The following TRPC1 variants were observed in gnomAD, a reference collection of about 807,000 sequenced individuals.
The protein encoded by TRPC1 is short transient receptor potential channel 1.
TRPC1 carries 42 observed loss-of-function variants against 88.2 expected under a neutral mutation model. The observed-to-expected ratio is 0.48, with a 90% CI of 0.37 to 0.62. TRPC1 has a LOEUF of 0.62. TRPC1 is among the 20% of genes least tolerant of loss of function. The pLI is 0.00. For missense variants in TRPC1, 699 were observed against 957.3 expected, an observed-to-expected ratio of 0.73 and a Z score of 3.56; for synonymous variants, 288 against 331.8, an observed-to-expected ratio of 0.87 and a Z score of 1.43.
intron 9 of TRPC1, among the ~76,000 whole-genome samples, chr3:142,798,881 G>A (rs1936527492): frequency 6.6e-6 from 1 of 152,138 alleles, no homozygotes; most frequent in African/African-American, 2.4e-5. Flanking sequence ...TGAGCCTAAT[G>A]ATAGCAACCT....
At chr3:142,795,712 G>A (rs148917688) in intron 9 of TRPC1, among the ~76,000 whole-genome samples, 32 of 152,162 alleles carry the variant, frequency 2.1e-4, no homozygotes, top group African/African-American at 6.5e-4. Flanking sequence ...TACAAGGAAC[G>A]TTAATAGAAG....
intron 9 of TRPC1, among the ~76,000 whole-genome samples, chr3:142,798,862 G>A (rs1217016481): frequency 6.6e-6 from 1 of 152,168 alleles, no homozygotes; most frequent in Non-Finnish European, 1.5e-5. Flanking sequence ...AGCAACTTGT[G>A]TAATTTAATG....
chr3:142,786,722 C>T (rs887353356), intron 7 of TRPC1, among the ~76,000 whole-genome samples: 2 of 152,110 alleles, frequency 1.3e-5, no homozygotes, highest in African/African-American at 2.4e-5. Flanking sequence ...TGAAGAGAAT[C>T]GCTAAGGAGC....
At chr3:142,753,872 A>G (rs1156435271) in intron 4 of TRPC1, among the ~76,000 whole-genome samples, 1 of 152,118 alleles carries the variant, frequency 6.6e-6, no homozygotes. Context: ...AGGCGGGTGA[A>G]TCACTTGAGT....
chr3:142,750,858 G>C (rs893530114), intron 4 of TRPC1, among the ~76,000 whole-genome samples: 10 of 152,092 alleles, frequency 6.6e-5, no homozygotes, highest in African/African-American at 2.4e-4. Context: ...AGTGGGAGTT[G>C]AACAATGAGA....
chr3:142,791,134 C>T lies in TRPC1; in HGVS notation c.1413C>T (p.Ala471=), dbSNP rs1400797706. The change falls in exon 8 of 13, where the codon GCC becomes GCT. Residue 471 remains alanine (A), a synonymous_variant. Transcript: ENST00000476941. ...VMNSLYLATF[A]LKVVAHNKFH... The stretch of plus-strand genomic sequence containing the variant: ...ATTCTCTTTATTTGGCAACCTTTGC[C>T]CTCAAAGTGGTTGCTCACAACAAGG... 6.2e-7 allele frequency: 1 copy of T among 1,604,748 alleles called. No homozygotes were observed. The highest frequency in any genetic ancestry group is 1.1e-5 in the South Asian group (1 of 88,728).
chr3:142,748,344 T>C lies in TRPC1; in HGVS notation c.516T>C (p.Tyr172=). Residue 172 remains tyrosine, a synonymous_variant, in exon 4 of 13, where the codon TAT becomes TAC. Coordinates refer to ENST00000476941, the MANE Select transcript of TRPC1 (RefSeq NM_001251845.2). ...TTTTAGCTGCTCATCGTAACAACTATGAAATTCTTACAATGCTCTTAAAAC... is the reference window on the plus strand; with the variant it reads ...TTTTAGCTGCTCATCGTAACAACTACGAAATTCTTACAATGCTCTTAAAAC... ...PVILAAHRNN[Y]EILTMLLKQD... 1.2e-6 allele frequency: 2 copies of C among 1,613,942 alleles called. No homozygotes were observed. Among genetic ancestry groups the C allele is most frequent in the Non-Finnish European group, 1.7e-6 (2 of 1,179,806 alleles).
chr3:142,777,568 G>C (rs1935822008), intron 4 of TRPC1, 64 bp from the exon 5 acceptor site: 6 of 1,103,222 alleles, frequency 5.4e-6, no homozygotes, highest in Non-Finnish European at 7.3e-6. Context: ...GAAAATTATA[G>C]ATTAAAATAC....
In TRPC1 at chr3:142,781,027, G is replaced by A; in HGVS notation, c.958G>A (p.Glu320Lys). ...ACTTGCTATCAAATATAACCAGAAA[G>A]AGGTATGAGGCTTTCTGTAATATAT... is the stretch of plus-strand genomic sequence containing the variant. ...LKLAIKYNQK[E>K]FVSQSNCQQF... Residue 320 changes from glutamate to lysine, a missense_variant and splice_region_variant, in exon 6 of 13, where the codon GAG becomes AAG. Transcript: ENST00000476941. The A allele has an allele frequency of 6.2e-7, 1 of 1,606,860 alleles. No homozygotes were observed. Among genetic ancestry groups the A allele is most frequent in the South Asian group, 1.1e-5 (1 of 89,552 alleles).
rs998561294 is a variant in TRPC1, at chr3:142,724,951, A to C, written c.172+220A>C. ...TGGGGCTGCGCCCTCGGAGCGCTGC[A>C]CCGTCGGGGGTGGCTCTGGCCTTGG... is the stretch of plus-strand genomic sequence containing the variant. On this transcript the variant is annotated intron_variant, in intron 1 of 12. Transcript: ENST00000476941. This position sits in a 1 kb window ranked among gnomAD's most constrained non-coding sequence, Gnocchi z 5.6. Among the ~76,000 whole-genome samples the C allele has an allele frequency of 2.6e-5, 4 of 152,132 alleles. No individual in the cohort carries two copies. The highest frequency in any genetic ancestry group is 9.7e-5 in the African/African-American group (4 of 41,432).
At chr3:142,796,420 A>G (rs1198080688) in intron 9 of TRPC1, among the ~76,000 whole-genome samples, 2 of 152,082 alleles carry the variant, frequency 1.3e-5, no homozygotes, top group Non-Finnish European at 1.5e-5. Context: ...GATAATTTAG[A>G]CAGAAAGAAC....
chr3:142,788,107 T>G (rs574706405), intron 7 of TRPC1, among the ~76,000 whole-genome samples: 34 of 152,304 alleles, frequency 2.2e-4, no homozygotes, highest in African/African-American at 8.2e-4. Flanking sequence ...TTTGACTTTA[T>G]ATTAAGAACA....
chr3:142,737,336 ATG>A lies in TRPC1; in HGVS notation c.327+805_327+806del, dbSNP rs67169946. On this transcript the variant is annotated intron_variant, in intron 2 of 12. Transcript: ENST00000476941. ...GTACATTGCTATTTTATATATATAT[ATG>A]TATGTATGTATGTATGTATGTATAA... is the stretch of plus-strand genomic sequence containing the variant. 4.0e-3 allele frequency among the ~76,000 whole-genome samples: 504 copies of A among 125,298 alleles called. 9 individuals are homozygous for A. The highest frequency in any genetic ancestry group is 0.013 in the African/African-American group (471 of 36,080). 82.2% of individuals were successfully genotyped at this position (125,298 alleles called of 152,430 possible).
At chr3:142,736,328 C>T (rs1934136676) in intron 1 of TRPC1, 51 bp from the exon 2 acceptor site, 4 of 1,394,342 alleles carry the variant, frequency 2.9e-6, no homozygotes, top group Middle Eastern at 3.8e-4. Flanking sequence ...TACAGTCATC[C>T]TTACTTGATA....
chr3:142,731,286 A>G (rs1203722752), intron 1 of TRPC1, among the ~76,000 whole-genome samples: 1 of 151,578 alleles, frequency 6.6e-6, no homozygotes, highest in Admixed American at 6.6e-5. Flanking sequence ...ACTAAGTCCT[A>G]TAGGGCTTTG....
intron 4 of TRPC1, among the ~76,000 whole-genome samples, chr3:142,759,023 G>A (rs533551550): frequency 2.8e-4 from 42 of 152,166 alleles, no homozygotes; most frequent in African/African-American, 9.2e-4. Flanking sequence ...TTTTATGGCT[G>A]CATAGTATTC....
chr3:142,780,505 G>C (rs778978602), intron 5 of TRPC1, among the ~76,000 whole-genome samples: 11 of 152,198 alleles, frequency 7.2e-5, no homozygotes, highest in Non-Finnish European at 1.2e-4. Flanking sequence ...CAAGCTTACA[G>C]AGAATAAGGG....
intron 4 of TRPC1, among the ~76,000 whole-genome samples, chr3:142,753,473 T>G (rs1348844264): frequency 6.6e-6 from 1 of 151,956 alleles, no homozygotes; most frequent in Non-Finnish European, 1.5e-5. Context: ...TTAACAAAAT[T>G]AGTAAAAAGA....
rs1263001482 is a variant in TRPC1, at chr3:142,776,788, A to G, written c.633-844A>G. On this transcript the variant is annotated intron_variant, in intron 4 of 12. Transcript: ENST00000476941. This position sits in a 1 kb window ranked among gnomAD's most constrained non-coding sequence, Gnocchi z 4.1. ...CGTGGTGGCACATGCCTGTAATCCCAGCTACTTGGGAGGCTGAGGCAGGAG... is the reference window on the plus strand; with the variant it reads ...CGTGGTGGCACATGCCTGTAATCCCGGCTACTTGGGAGGCTGAGGCAGGAG... 6.6e-6 allele frequency among the ~76,000 whole-genome samples: 1 copy of G among 151,964 alleles called. No homozygotes were observed. Among genetic ancestry groups the G allele is most frequent in the Non-Finnish European group, 1.5e-5 (1 of 68,004 alleles).
Sources: allele counts gnomAD v4.1 joint callset (sites outside exome capture counted in the v4.1 genomes callset), GRCh38; gene constraint gnomAD v4.1.1; non-coding constraint Gnocchi (gnomAD v3.1); transcripts MANE v1.5; gene names NCBI Gene and HGNC (gene_info 2026-07-23, HGNC 2026-07-21).